NBEAL2: variants seen among roughly 807,000 people sequenced by gnomAD.
NBEAL2 encodes neurobeachin like 2.
NBEAL2 carries 160 observed loss-of-function variants against 299.8 expected under a neutral mutation model. The observed-to-expected ratio is 0.53, with a 90% CI of 0.47 to 0.61. The LOEUF (loss-of-function observed/expected upper bound fraction) is 0.61. Among genes scored for constraint, NBEAL2 ranks in the 20% least tolerant of loss-of-function variants. The probability of loss-of-function intolerance (pLI) is 0.00; values close to 1 mark genes in which losing one functional copy is unlikely to be tolerated. For missense variants in NBEAL2, 3,112 were observed against 3,649.0 expected (o/e 0.85, Z 3.79); for synonymous variants, 1,493 against 1,542.3 (o/e 0.97, Z 0.75).
Position 47,002,231 on chromosome 3 carries a change from T to C in NBEAL2, c.5094T>C (p.Phe1698=). ...CCACCAATGGCAGCCCCACCTTCTT[T>C]GAAGACTTCCAGGCTTTTTGTGCCA... ...LPPTNGSPTF[F]EDFQAFCATP... Residue 1698 remains phenylalanine, a synonymous_variant, in exon 31 of 54, where the codon TTT becomes TTC. Coordinates refer to ENST00000450053, the MANE Select transcript of NBEAL2 (RefSeq NM_015175.3). The C allele has an allele frequency of 6.5e-7, 1 of 1,546,816 alleles. No individual in the cohort carries two copies. The highest frequency in any genetic ancestry group is 8.7e-7 in the Non-Finnish European group (1 of 1,145,108).
chr3:46,996,866 G>T, intron 17 of NBEAL2, 33 bp downstream of exon 17: 1 of 1,610,692 alleles, frequency 6.2e-7, no homozygotes. Context: ...TGGTTGGCTC[G>T]ACTGTGCTAC....
In NBEAL2 at chr3:47,002,075, G is replaced by A; in HGVS notation, c.4938G>A (p.Gly1646=). The A allele has an allele frequency of 6.4e-7, 1 of 1,552,068 alleles. No homozygotes were observed. Among genetic ancestry groups the A allele is most frequent in the Non-Finnish European group, 8.7e-7 (1 of 1,147,858 alleles). The change falls in exon 31 of 54, where the codon GGG becomes GGA. Residue 1646 remains glycine (G), a synonymous_variant. Coordinates refer to ENST00000450053, the MANE Select transcript of NBEAL2 (RefSeq NM_015175.3). ...SSLESATDEA[G]SPLAAAAAAA... ...TGGAGTCAGCCACTGATGAGGCAGG[G>A]TCCCCACTTGCAGCTGCAGCAGCTG...
chr3:46,999,772 C>T, intron 26 of NBEAL2, 57 bp downstream of exon 26: 1 of 1,591,766 alleles, frequency 6.3e-7, no homozygotes, highest in South Asian at 1.1e-5. Context: ...TACCCTCTGG[C>T]CTTCCACCTT....
At position 46,995,108 on chromosome 3, in the gene NBEAL2, G is replaced by T; in HGVS notation, c.1373G>T (p.Trp458Leu). The T allele has an allele frequency of 6.4e-7, 1 of 1,572,868 alleles. No individual in the cohort carries two copies. The change falls in exon 13 of 54, where the codon TGG becomes TTG. Residue 458 changes from tryptophan to leucine, a missense_variant. Around this residue, in one of 3 missense-constraint regions of NBEAL2, gnomAD observed 2,243 missense variants for 2,538.1 expected, o/e 0.88. Transcript: ENST00000450053. ...NEQPVLVLAQ[W>L]LPSLPTAELR... The stretch of plus-strand genomic sequence containing the variant: ...CAGCCGGTACTGGTGCTGGCGCAGT[G>T]GCTGCCGTCATTGCCCACCGCTGAG...
At chr3:46,992,384 C>CTGCCAGG in intron 9 of NBEAL2, 91 bp from the exon 10 acceptor site, 1 of 1,221,536 alleles carries the variant, frequency 8.2e-7, no homozygotes, top group Non-Finnish European at 1.2e-6. Context: ...CACCTGGCAG[C>CTGCCAGG]TGCCCCTGGT....
Position 46,999,727 on chromosome 3 carries a change from A to C in NBEAL2, c.3789+12A>C. 1.2e-6 allele frequency: 2 copies of C among 1,611,692 alleles called. No homozygotes were observed. Among genetic ancestry groups the C allele is most frequent in the Non-Finnish European group, 1.7e-6 (2 of 1,178,994 alleles). On this transcript the variant is annotated intron_variant, in intron 26 of 53. Transcript: ENST00000450053. Reference sequence around the variant, plus strand: ...ACATCTGTCGCCAGGTGAGCATGAGAGGTAAAAGCTTTGGGGGAGGGGGAG... The same window carrying C: ...ACATCTGTCGCCAGGTGAGCATGAGCGGTAAAAGCTTTGGGGGAGGGGGAG...
chr3:46,989,390 C>T lies in NBEAL2; in HGVS notation c.473+9C>T. On this transcript the variant is annotated intron_variant, in intron 5 of 53. Coordinates refer to ENST00000450053, the MANE Select transcript of NBEAL2 (RefSeq NM_015175.3). The surrounding 1 kb of genome is among the most constrained non-coding windows in gnomAD (Gnocchi z 5.5). ...CGGCGCCAGCGCAGTGGGTGAGACC[C>T]AGCCCACAGGAAGGGAACCCAGAGG... 2 of 1,573,972 alleles carry T rather than the reference C, an allele frequency of 1.3e-6. No homozygotes were observed. The highest frequency in any genetic ancestry group is 1.7e-6 in the Non-Finnish European group (2 of 1,159,704).
intron 15 of NBEAL2, 44 bp downstream of exon 15, chr3:46,996,095 A>G: frequency 6.4e-7 from 1 of 1,566,174 alleles, no homozygotes; most frequent in Non-Finnish European, 8.7e-7. Flanking sequence ...AGATGGGAGG[A>G]CTTGGAACAC....
chr3:47,004,782 C>A lies in NBEAL2; in HGVS notation c.6295-190C>A. ...AGCCTCACTCCCTTCCCCTCCCTGC[C>A]TAGCCTCTATTCCTCAAAAGGAATC... On this transcript the variant is annotated intron_variant, in intron 38 of 53. Coordinates refer to ENST00000450053, the MANE Select transcript of NBEAL2 (RefSeq NM_015175.3). The surrounding 1 kb of genome is among the most constrained non-coding windows in gnomAD (Gnocchi z 5.0). 9.4e-7 allele frequency: 1 copy of A among 1,062,702 alleles called. No individual in the cohort carries two copies. The highest frequency in any genetic ancestry group is 1.4e-6 in the Non-Finnish European group (1 of 729,898). The allele number at this position is 1,062,702 out of a possible 1,614,324, so 65.8% of individuals were successfully genotyped here.
Position 47,000,023 on chromosome 3 carries a change from G to A in NBEAL2, c.3924G>A (p.Glu1308=), listed in dbSNP as rs2036846003. 1.2e-6 allele frequency: 2 copies of A among 1,612,564 alleles called. No homozygotes were observed. Among genetic ancestry groups the A allele is most frequent in the South Asian group, 2.2e-5 (2 of 91,052 alleles). Residue 1308 remains glutamate, a synonymous_variant, in exon 27 of 54, where the codon GAG becomes GAA. Coordinates refer to ENST00000450053, the MANE Select transcript of NBEAL2 (RefSeq NM_015175.3). The surrounding 1 kb of genome is among the most constrained non-coding windows in gnomAD (Gnocchi z 4.5). The stretch of plus-strand genomic sequence containing the variant: ...GCAGCCCCCCTCCGTCTTCCCCAGA[G>A]TCACCTACCTCCCCCAAGCCAGCCC... ...TAGSPPPSSP[E]SPTSPKPAPP... is the part of the protein sequence containing the mutation.
In NBEAL2 at chr3:47,003,724, A is replaced by G; in HGVS notation, c.5721-92A>G. On this transcript the variant is annotated intron_variant, in intron 35 of 53. Transcript: ENST00000450053. The surrounding 1 kb of genome is among the most constrained non-coding windows in gnomAD (Gnocchi z 7.0). ...ATCTCTGGGAGTCATGAGAGTATAT[A>G]CCCCATGACTCAATGGCACTTGGAT... 7.0e-7 allele frequency: 1 copy of G among 1,430,344 alleles called. No homozygotes were observed. The highest frequency in any genetic ancestry group is 9.4e-7 in the Non-Finnish European group (1 of 1,066,430). The allele number at this position is 1,430,344 out of a possible 1,614,324, so 88.6% of individuals were successfully genotyped here.
In NBEAL2 at chr3:47,003,791, C is replaced by T. The variant is rs1318946390; in HGVS notation, c.5721-25C>T. The T allele has an allele frequency of 1.3e-5, 20 of 1,566,864 alleles. No homozygotes were observed. Among genetic ancestry groups the T allele is most frequent in the Admixed American group, 3.8e-5 (2 of 53,330 alleles). On this transcript the variant is annotated intron_variant, in intron 35 of 53. Coordinates refer to ENST00000450053, the MANE Select transcript of NBEAL2 (RefSeq NM_015175.3). This position sits in a 1 kb window ranked among gnomAD's most constrained non-coding sequence, Gnocchi z 7.0. ...AAGAAGGGGGTCCCAGAGCCTACAG[C>T]GTGAGGTGGGTTGCTGGTCTTTAGG...
rs745453976 is a variant in NBEAL2, at chr3:47,009,159, ACGGGG to A, written c.8163+43_8163+47del. 9 of 1,342,006 alleles carry A rather than the reference ACGGGG, an allele frequency of 6.7e-6. No individual in the cohort carries two copies. The Admixed American group carries it at 1.0e-4, about 15-fold the overall frequency. The allele number at this position is 1,342,006 out of a possible 1,614,324, so 83.1% of individuals were successfully genotyped here. On this transcript the variant is annotated intron_variant, in intron 53 of 53. Coordinates refer to ENST00000450053, the MANE Select transcript of NBEAL2 (RefSeq NM_015175.3). ...GGGCGGGGGTGGGGAGGCCCCTCGAACGGGGCGGGGCGTGGCGCGGCGATCCCAGC... is the reference window on the plus strand; with the variant it reads ...GGGCGGGGGTGGGGAGGCCCCTCGAACGGGGCGTGGCGCGGCGATCCCAGC...
At position 46,999,057 on chromosome 3, in the gene NBEAL2, G is replaced by A; in HGVS notation, c.3483G>A (p.Val1161=). ...VFLLEPGNLE[V]LLALLVRPGS... Reference sequence around the variant, plus strand: ...TGTTGGAGCCAGGGAACCTCGAAGTGCTACTGGCCCTGCTAGTGCGGCCAG... The same window carrying A: ...TGTTGGAGCCAGGGAACCTCGAAGTACTACTGGCCCTGCTAGTGCGGCCAG... Residue 1161 remains valine (V), a synonymous_variant, in exon 24 of 54, where the codon GTG becomes GTA. Coordinates refer to ENST00000450053, the MANE Select transcript of NBEAL2 (RefSeq NM_015175.3). 1 of 1,595,880 alleles carries A rather than the reference G, an allele frequency of 6.3e-7. No homozygotes were observed. The highest frequency in any genetic ancestry group is 8.5e-7 in the Non-Finnish European group (1 of 1,171,738).
rs1381553745 is a variant in NBEAL2, at chr3:46,998,781, C to G, written c.3286C>G (p.Leu1096Val). 4 of 1,568,768 alleles carry G rather than the reference C, an allele frequency of 2.5e-6. No homozygotes were observed. The highest frequency in any genetic ancestry group is 1.7e-4 in the Middle Eastern group (1 of 6,012). Residue 1096 changes from leucine (L) to valine (V), a missense_variant, in exon 23 of 54, where the codon CTG becomes GTG. Transcript: ENST00000450053. ...LRTVQTSLLG[L>V]AREFLVRSLS... is the part of the protein sequence containing the mutation. ...CACCGTGCAGACCTCCCTCCTGGGC[C>G]TGGCGAGGGAGTTCCTGGTGCGGAG...
At chr3:46,992,192 G>A (rs1166999823) in intron 9 of NBEAL2, among the ~76,000 whole-genome samples, 2 of 152,152 alleles carry the variant, frequency 1.3e-5, no homozygotes, top group East Asian at 1.9e-4. Flanking sequence ...GGCTTGTTAT[G>A]GAAGGAAGGG....
rs2107349525 is a variant in NBEAL2 at position 46,996,512 on chromosome 3, C to T, written c.2393C>T (p.Ser798Phe). 2 of 1,569,456 alleles carry T rather than the reference C, an allele frequency of 1.3e-6. No individual in the cohort carries two copies. The highest frequency in any genetic ancestry group is 1.7e-6 in the Non-Finnish European group (2 of 1,154,282). ...GACACTCGGTGGGGCAGCCCCACATCCCTGGAGGGTGAGCTGGGGGCTGTG... is the reference window on the plus strand; with the variant it reads ...GACACTCGGTGGGGCAGCCCCACATTCCTGGAGGGTGAGCTGGGGGCTGTG... ...TQDTRWGSPT[S>F]LEGELGAVAI... Residue 798 changes from serine (S) to phenylalanine (F), a missense_variant, in exon 16 of 54, where the codon TCC (serine) becomes TTC (phenylalanine). By Grantham distance (155) the Ser-to-Phe change is radical. Around this residue, in one of 3 missense-constraint regions of NBEAL2, gnomAD observed 2,243 missense variants for 2,538.1 expected, o/e 0.88. Coordinates refer to ENST00000450053, the MANE Select transcript of NBEAL2 (RefSeq NM_015175.3).
Position 47,004,715 on chromosome 3 carries a change from G to T in NBEAL2, c.6294+125G>T. The T allele has an allele frequency of 9.0e-7, 1 of 1,105,568 alleles. No individual in the cohort carries two copies. The highest frequency in any genetic ancestry group is 1.3e-6 in the Non-Finnish European group (1 of 741,352). The allele number at this position is 1,105,568 out of a possible 1,614,324, so 68.5% of individuals were successfully genotyped here. ...CTTGGTCAAGGGTAGATGTGCCAAT[G>T]AAGACCTGGCCTCTGTTCCCTGCCA... On this transcript the variant is annotated intron_variant, in intron 38 of 53. Coordinates refer to ENST00000450053, the MANE Select transcript of NBEAL2 (RefSeq NM_015175.3). This position sits in a 1 kb window ranked among gnomAD's most constrained non-coding sequence, Gnocchi z 5.0.
At position 47,003,910 on chromosome 3, in the gene NBEAL2, C is replaced by A; in HGVS notation, c.5815C>A (p.Leu1939Met). The A allele has an allele frequency of 6.2e-7, 1 of 1,613,740 alleles. No homozygotes were observed. The highest frequency in any genetic ancestry group is 1.3e-5 in the African/African-American group (1 of 74,992). Residue 1939 changes from leucine (L) to methionine (M), a missense_variant, in exon 36 of 54, where the codon CTG becomes ATG. Physicochemically the swap from Leu to Met is conservative, Grantham distance 15 (BLOSUM62 2). Around this residue, in one of 3 missense-constraint regions of NBEAL2, gnomAD observed 521 missense variants for 729.6 expected, o/e 0.71. Coordinates refer to ENST00000450053, the MANE Select transcript of NBEAL2 (RefSeq NM_015175.3). The surrounding 1 kb of genome is among the most constrained non-coding windows in gnomAD (Gnocchi z 7.0). The stretch of plus-strand genomic sequence containing the variant: ...GGTAGTGGCCGTGGTCCCAGGGCTG[C>A]TGGAGGTCACCACACAGAATGTATA... ...VTVVAVVPGLLEVTTQNVYFY... is the reference protein window; with the variant it reads ...VTVVAVVPGLMEVTTQNVYFY...
Sources: gnomAD v4.1 joint callset for allele counts (sites outside exome capture counted in the v4.1 genomes callset) on GRCh38, gnomAD v4.1.1 for gene constraint, gnomAD v4.1.1 regional missense constraint, Gnocchi (gnomAD v3.1) non-coding constraint, MANE v1.5 for transcripts, NCBI Gene and HGNC (gene_info 2026-07-23, HGNC 2026-07-21) for gene names.